SCFD2: variants seen among roughly 807,000 people sequenced by gnomAD.
SCFD2 encodes the protein sec1 family domain containing 2, also known as sec1 family domain-containing protein 2.
A neutral mutation model predicts 58.9 loss-of-function variants in SCFD2; 54 were observed. The observed-to-expected ratio is 0.92, with a 90% CI of 0.74 to 1.15. The LOEUF (loss-of-function observed/expected upper bound fraction) is 1.15, where lower values mean the gene tolerates loss of function less well. SCFD2 is among the 50% of genes most tolerant of loss of function. SCFD2 has a pLI of 0.00. For missense variants in SCFD2, 805 were observed against 836.6 expected (o/e 0.96, Z 0.47); for synonymous variants, 321 against 335.9 (o/e 0.96, Z 0.49).
chr4:53,051,232 A>G (rs1723183683), intron 5 of SCFD2, among the ~76,000 whole-genome samples: 1 of 152,166 alleles, frequency 6.6e-6, no homozygotes, highest in African/African-American at 2.4e-5. Flanking sequence ...TTCTATCACT[A>G]TGGCAGACTG....
intron 5 of SCFD2, among the ~76,000 whole-genome samples, chr4:53,043,117 T>A (rs759996528): frequency 1.3e-5 from 2 of 152,204 alleles, no homozygotes; most frequent in Non-Finnish European, 2.9e-5. Flanking sequence ...TTGAGTGGCT[T>A]TCTATTAAGA....
chr4:53,251,926 A>C (rs1396661370), intron 4 of SCFD2, among the ~76,000 whole-genome samples: 1 of 151,948 alleles, frequency 6.6e-6, no homozygotes, highest in Non-Finnish European at 1.5e-5. Flanking sequence ...TTCAATTAGG[A>C]AAAGAGGAAG....
chr4:53,126,262 G>A (rs1725624564), intron 5 of SCFD2, among the ~76,000 whole-genome samples: 2 of 152,184 alleles, frequency 1.3e-5, no homozygotes, highest in Admixed American at 1.3e-4. Flanking sequence ...AGGAGAGAAA[G>A]AAGATGAAAG....
At chr4:52,975,751 T>C (rs1430822988) in intron 5 of SCFD2, among the ~76,000 whole-genome samples, 1 of 152,080 alleles carries the variant, frequency 6.6e-6, no homozygotes, top group African/African-American at 2.4e-5. Context: ...CTATTCACAA[T>C]AGCAAAGACT....
At chr4:53,286,348 C>A (rs1321566374) in intron 3 of SCFD2, among the ~76,000 whole-genome samples, 1 of 152,098 alleles carries the variant, frequency 6.6e-6, no homozygotes, top group Non-Finnish European at 1.5e-5. Flanking sequence ...TAGCACCCAG[C>A]TCCTCAGGGA....
intron 7 of SCFD2, among the ~76,000 whole-genome samples, chr4:52,887,032 T>C (rs930133097): frequency 1.3e-5 from 2 of 152,372 alleles, no homozygotes; most frequent in East Asian, 1.9e-4. Context: ...TCTTCTCTAC[T>C]GGAACATAAA....
At chr4:53,179,845 GCAATCCTAGT>G (rs1413105557) in intron 4 of SCFD2, among the ~76,000 whole-genome samples, 13 of 152,148 alleles carry the variant, frequency 8.5e-5, no homozygotes, top group African/African-American at 3.1e-4. Context: ...GGCAGGGGTT[GCAATCCTAGT>G]CTCTGATAAA....
At chr4:52,955,402 G>T in intron 5 of SCFD2, among the ~76,000 whole-genome samples, 1 of 152,182 alleles carries the variant, frequency 6.6e-6, no homozygotes, top group East Asian at 1.9e-4. Context: ...GATTATTATT[G>T]CTAATATTTA....
At chr4:53,140,115 C>T (rs1726083660) in intron 5 of SCFD2, among the ~76,000 whole-genome samples, 1 of 151,596 alleles carries the variant, frequency 6.6e-6, no homozygotes, top group South Asian at 2.1e-4. Context: ...GACCTTTGTT[C>T]ACATGTTTAT....
At chr4:53,048,963 A>G (rs1723117099) in intron 5 of SCFD2, among the ~76,000 whole-genome samples, 1 of 151,940 alleles carries the variant, frequency 6.6e-6, no homozygotes, top group African/African-American at 2.4e-5. Flanking sequence ...ATAAATAAAT[A>G]AATAATAAAA....
intron 2 of SCFD2, among the ~76,000 whole-genome samples, chr4:53,314,564 T>A (rs765945929): frequency 1.5e-4 from 23 of 152,232 alleles, no homozygotes; most frequent in Non-Finnish European, 3.2e-4. Context: ...GAAACAAGGA[T>A]GACTTCTGTC....
intron 5 of SCFD2, among the ~76,000 whole-genome samples, chr4:53,137,890 C>CT (rs1725989325): frequency 6.6e-6 from 1 of 152,148 alleles, no homozygotes; most frequent in Non-Finnish European, 1.5e-5. Context: ...TGGTTTGCTC[C>CT]TAATAGGTCA....
At chr4:53,238,702 G>GCTGCAATC (rs1729776941) in intron 4 of SCFD2, among the ~76,000 whole-genome samples, 1 of 150,876 alleles carries the variant, frequency 6.6e-6, no homozygotes, top group African/African-American at 2.4e-5. Flanking sequence ...CCGGGCAGAG[G>GCTGCAATC]TGCTCCTCAC....
chr4:52,889,211 C>T (rs184248116), intron 7 of SCFD2, among the ~76,000 whole-genome samples: 1 of 152,320 alleles, frequency 6.6e-6, no homozygotes, highest in East Asian at 1.9e-4. Flanking sequence ...CCATTCTCCT[C>T]ATTTCTGCCA....
chr4:53,204,409 T>C (rs565599380), intron 4 of SCFD2, among the ~76,000 whole-genome samples: 10 of 151,424 alleles, frequency 6.6e-5, no homozygotes, highest in African/African-American at 2.4e-4. Context: ...ATATTTAGAA[T>C]ACAGACATGT....
At chr4:52,988,609 G>A (rs187139969) in intron 5 of SCFD2, among the ~76,000 whole-genome samples, 2 of 152,168 alleles carry the variant, frequency 1.3e-5, no homozygotes, top group East Asian at 3.9e-4. Flanking sequence ...CCCTTAATTC[G>A]TTACCTCAAC....
At chr4:53,310,224 G>A (rs1354985907) in intron 3 of SCFD2, among the ~76,000 whole-genome samples, 3 of 152,010 alleles carry the variant, frequency 2.0e-5, no homozygotes, top group African/African-American at 4.8e-5. Flanking sequence ...AAGAAACAGA[G>A]GCATCAAGCA....
intron 5 of SCFD2, among the ~76,000 whole-genome samples, chr4:53,138,230 G>A (rs542531173): frequency 3.9e-5 from 6 of 152,132 alleles, no homozygotes; most frequent in South Asian, 4.2e-4. Flanking sequence ...GGGCAGTTAC[G>A]TTTATATCAA....
At chr4:53,134,135 T>C (rs995794014) in intron 5 of SCFD2, among the ~76,000 whole-genome samples, 8 of 152,234 alleles carry the variant, frequency 5.3e-5, no homozygotes, top group Middle Eastern at 6.8e-3. Flanking sequence ...GGTAAATTCA[T>C]AGAATCAAAG....
Sources: allele counts gnomAD v4.1 joint callset (sites outside exome capture counted in the v4.1 genomes callset), GRCh38; gene constraint gnomAD v4.1.1; transcripts MANE v1.5; gene names NCBI Gene and HGNC (gene_info 2026-07-23, HGNC 2026-07-21).